Variants in PNLIPRP3 observed in about 807,000 individuals in gnomAD.
PNLIPRP3 encodes pancreatic lipase related protein 3, also known as pancreatic lipase-related protein 3.
Under a neutral mutation model 52.8 loss-of-function variants are expected in PNLIPRP3, and 58 were observed. That is an observed-to-expected ratio of 1.10 (90% CI 0.89 to 1.37). The LOEUF (loss-of-function observed/expected upper bound fraction) is 1.37. PNLIPRP3 is among the 40% of genes most tolerant of loss of function. The pLI, the probability that PNLIPRP3 is intolerant of heterozygous loss-of-function variation, is 0.00. For synonymous variants in PNLIPRP3, 192 were observed against 185.0 expected, an observed-to-expected ratio of 1.04 and a Z score of -0.31; for missense variants, 593 against 561.6, an observed-to-expected ratio of 1.06 and a Z score of -0.57.
chr10:116,432,049 T>G (rs1354562379), intron 1 of PNLIPRP3, among the ~76,000 whole-genome samples: 1 of 152,228 alleles, frequency 6.6e-6, no homozygotes, highest in African/African-American at 2.4e-5. Flanking sequence ...ACTGTTTTAA[T>G]GTAGCCATTT....
intron 1 of PNLIPRP3, among the ~76,000 whole-genome samples, chr10:116,431,576 A>G (rs766421078): frequency 2.6e-5 from 4 of 152,214 alleles, no homozygotes; most frequent in Non-Finnish European, 4.4e-5. Context: ...AAAATACATG[A>G]CTACGATCCC....
Position 116,477,421 on chromosome 10 carries a change from A to G in PNLIPRP3, c.*268A>G. The G allele has an allele frequency of 3.9e-6, 1 of 256,770 alleles. No individual in the cohort carries two copies. Among genetic ancestry groups the G allele is most frequent in the Non-Finnish European group, 7.2e-6 (1 of 138,386 alleles). The allele number at this position is 256,770 out of a possible 1,614,324, so 15.9% of individuals were successfully genotyped here. ...ATTGACAAAATAGAGCTGTTTTGGA[A>G]TTTTCCTGAATAAGAGGAGGTGATG... On this transcript the variant is annotated 3_prime_UTR_variant, in exon 12 of 12. Transcript: ENST00000369230.
chr10:116,472,252 A>C (rs529077291), intron 10 of PNLIPRP3, among the ~76,000 whole-genome samples: 1 of 152,304 alleles, frequency 6.6e-6, no homozygotes, highest in East Asian at 1.9e-4. Context: ...CATTTATATA[A>C]ATTGCTAAAT....
At chr10:116,435,883 G>A (rs1845767384) in intron 1 of PNLIPRP3, among the ~76,000 whole-genome samples, 2 of 152,160 alleles carry the variant, frequency 1.3e-5, no homozygotes. Flanking sequence ...AAATAACAAA[G>A]CAATCTTAAG....
intron 9 of PNLIPRP3, among the ~76,000 whole-genome samples, chr10:116,470,720 G>A (rs560803865): frequency 6.6e-6 from 1 of 152,066 alleles, no homozygotes; most frequent in Non-Finnish European, 1.5e-5. Flanking sequence ...GTGTTAGCCA[G>A]GATGGTCTCC....
At chr10:116,464,428 C>T (rs1263235634) in intron 7 of PNLIPRP3, among the ~76,000 whole-genome samples, 1 of 152,202 alleles carries the variant, frequency 6.6e-6, no homozygotes, top group African/African-American at 2.4e-5. Flanking sequence ...CTGCTGGGCT[C>T]ACCACTGGAC....
chr10:116,452,660 A>G (rs2133132416), intron 4 of PNLIPRP3, among the ~76,000 whole-genome samples: 1 of 152,330 alleles, frequency 6.6e-6, no homozygotes, highest in South Asian at 2.1e-4. Context: ...CTCAGCAACT[A>G]GGGCCCCAGA....
chr10:116,474,402 G>A (rs1330394724), intron 10 of PNLIPRP3, among the ~76,000 whole-genome samples: 3 of 152,208 alleles, frequency 2.0e-5, no homozygotes, highest in African/African-American at 7.2e-5. Context: ...AAGATTTCAT[G>A]ATGAAGATGC....
chr10:116,471,975 C>G lies in PNLIPRP3; in HGVS notation c.1172+96C>G, dbSNP rs562812690. The G allele has an allele frequency of 3.1e-5, 21 of 683,866 alleles. No homozygotes were observed. The South Asian group carries it at 4.7e-4, about 15-fold the overall frequency. 42.4% of individuals were successfully genotyped at this position (683,866 alleles called of 1,614,324 possible). A position where few individuals can be genotyped will look rare whatever the true frequency, so the allele number is the denominator to read the frequency against. On this transcript the variant is annotated intron_variant, in intron 10 of 11. Coordinates refer to ENST00000369230, the MANE Select transcript of PNLIPRP3 (RefSeq NM_001011709.3). ...GTAAGCTGTTTAGTCTTCTCTTTTC[C>G]TACAATTCCACAGGCTACCATGGTA... is the stretch of plus-strand genomic sequence containing the variant.
chr10:116,445,942 T>C (rs1486253634), intron 4 of PNLIPRP3, among the ~76,000 whole-genome samples: 2 of 152,014 alleles, frequency 1.3e-5, no homozygotes, highest in East Asian at 1.9e-4. Context: ...TGCTTGGGAA[T>C]GGGGTAGGAA....
chr10:116,475,434 C>G (rs1464472537), intron 10 of PNLIPRP3, among the ~76,000 whole-genome samples: 2 of 152,118 alleles, frequency 1.3e-5, no homozygotes, highest in African/African-American at 4.8e-5. Flanking sequence ...AAAAAATGTC[C>G]AGCTTCACCA....
Position 116,466,168 on chromosome 10 carries a change from A to G in PNLIPRP3, c.927A>G (p.Ala309=), listed in dbSNP as rs774000091. Residue 309 remains alanine, a splice_region_variant and synonymous_variant, in exon 8 of 12, where the codon GCA becomes GCG. Transcript: ENST00000369230. ...GTAGATCCTACACATCTTTTAAAGC[A>G]GTAAGTAAATCATCTTACTTGGAAT... ...YPCRSYTSFK[A]GNCFFCSKEG... 6.4e-7 allele frequency: 1 copy of G among 1,574,778 alleles called. No individual in the cohort carries two copies. The highest frequency in any genetic ancestry group is 1.7e-5 in the Admixed American group (1 of 57,520).
At chr10:116,430,218 A>AAAGGTCTT (rs539054249) in intron 1 of PNLIPRP3, among the ~76,000 whole-genome samples, 247 of 152,278 alleles carry the variant, frequency 1.6e-3, no homozygotes, top group Non-Finnish European at 2.7e-3. Context: ...GGAGCTTGTA[A>AAAGGTCTT]AAGGTCTCTT....
intron 8 of PNLIPRP3, 125 bp downstream of exon 8, chr10:116,466,293 G>A (rs1846282067): frequency 1.5e-6 from 1 of 661,614 alleles, no homozygotes; most frequent in Non-Finnish European, 2.6e-6. Context: ...GGGAAATAAT[G>A]GATTGTTTCT....
chr10:116,473,660 T>G (rs1846409973), intron 10 of PNLIPRP3, among the ~76,000 whole-genome samples: 1 of 152,108 alleles, frequency 6.6e-6, no homozygotes, highest in South Asian at 2.1e-4. Flanking sequence ...TAACTGAGAT[T>G]ACAGGTGCCC....
At chr10:116,432,613 A>G (rs7094204) in intron 1 of PNLIPRP3, among the ~76,000 whole-genome samples, 18,873 of 152,188 alleles carry the variant, frequency 0.12, 3,491 homozygotes, top group African/African-American at 0.4. Context: ...TAATGATGCC[A>G]TGATGGCAAA....
intron 7 of PNLIPRP3, 60 bp from the exon 8 acceptor site, chr10:116,465,990 T>C (rs1846276537): frequency 7.4e-6 from 9 of 1,217,532 alleles, no homozygotes; most frequent in Middle Eastern, 1.9e-4. Context: ...TTCTAAGATA[T>C]GGTTTATGCT....
intron 8 of PNLIPRP3, among the ~76,000 whole-genome samples, chr10:116,468,001 T>C (rs1485248928): frequency 6.6e-6 from 1 of 151,684 alleles, no homozygotes; most frequent in Non-Finnish European, 1.5e-5. Flanking sequence ...GGCGGGTGCC[T>C]GTAGTCCTAG....
intron 9 of PNLIPRP3, among the ~76,000 whole-genome samples, chr10:116,469,530 C>T (rs1382705845): frequency 6.6e-6 from 1 of 152,206 alleles, no homozygotes; most frequent in Non-Finnish European, 1.5e-5. Context: ...TAAACTTTCT[C>T]TTAGGAAACA....
Sources: allele counts gnomAD v4.1 joint callset (sites outside exome capture counted in the v4.1 genomes callset), GRCh38; gene constraint gnomAD v4.1.1; transcripts MANE v1.5; gene names NCBI Gene and HGNC (gene_info 2026-07-23, HGNC 2026-07-21).